Variants in DST observed in about 807,000 individuals in gnomAD.
DST encodes dystonin, also known as bullous pemphigoid antigen.
Under a neutral mutation model 875.2 loss-of-function variants are expected in DST, and 253 were observed. That is an observed-to-expected ratio of 0.29 (90% CI 0.26 to 0.32). The LOEUF is 0.32. Among genes scored for constraint, DST ranks in the 10% least tolerant of loss-of-function variants. The pLI, the probability that DST is intolerant of heterozygous loss-of-function variation, is 1.00. For synonymous variants in DST, 3,124 were observed against 3,197.1 expected (o/e 0.98, Z 0.77); for missense variants, 8,287 against 9,111.6 (o/e 0.91, Z 3.68).
chr6:56,616,937 G>A, intron 36 of DST: 2 of 1,606,124 alleles, frequency 1.2e-6, no homozygotes, highest in Non-Finnish European at 1.7e-6. Context: ...TATAAAACCT[G>A]TTGCAGCCTG....
intron 3 of DST, among the ~76,000 whole-genome samples, chr6:56,879,948 C>G (rs1781301839): frequency 6.6e-6 from 1 of 152,244 alleles, no homozygotes; most frequent in Non-Finnish European, 1.5e-5. Flanking sequence ...CAAAATTAAA[C>G]TGGGCCTAGC....
chr6:56,779,107 T>G (rs1475194382), intron 4 of DST, among the ~76,000 whole-genome samples: 1 of 152,080 alleles, frequency 6.6e-6, no homozygotes, highest in East Asian at 1.9e-4. Flanking sequence ...CTCATTGTGG[T>G]TTTGATTTGC....
intron 15 of DST, among the ~76,000 whole-genome samples, chr6:56,644,405 C>T (rs560905905): frequency 2.3e-4 from 35 of 152,110 alleles, no homozygotes; most frequent in Non-Finnish European, 4.7e-4. Context: ...TATTTCACAA[C>T]GTTGAATCCT....
chr6:56,547,631 A>C (rs1562703717), intron 61 of DST, among the ~76,000 whole-genome samples: 1 of 152,154 alleles, frequency 6.6e-6, no homozygotes, highest in Non-Finnish European at 1.5e-5. Context: ...AACACTTTAA[A>C]AGTACTATTA....
At chr6:56,762,670 T>C (rs2099620097) in intron 4 of DST, among the ~76,000 whole-genome samples, 1 of 152,190 alleles carries the variant, frequency 6.6e-6, no homozygotes. Flanking sequence ...CAGAACAATG[T>C]AAAATACCTG....
chr6:56,946,760 G>A (rs1288730836), intron 2 of DST, among the ~76,000 whole-genome samples: 1 of 152,122 alleles, frequency 6.6e-6, no homozygotes, highest in Admixed American at 6.5e-5. Context: ...ACTGGCTGAA[G>A]GTAAGGGAGT....
intron 2 of DST, among the ~76,000 whole-genome samples, chr6:56,951,375 G>A (rs1445246673): frequency 6.6e-6 from 1 of 152,148 alleles, no homozygotes; most frequent in Non-Finnish European, 1.5e-5. Flanking sequence ...TGATTTGTCA[G>A]AAATCAAAAT....
intron 4 of DST, 40 bp downstream of exon 4, chr6:56,851,357 T>C (rs1331898579): frequency 1.9e-6 from 3 of 1,579,466 alleles, no homozygotes; most frequent in East Asian, 4.5e-5. Flanking sequence ...TTTCCGCAAC[T>C]CTCTTCCCCC....
chr6:56,608,490 G>A lies in DST; in HGVS notation c.6138C>T (p.Asp2046=), dbSNP rs367545554. 68 of 1,613,566 alleles carry A rather than the reference G, an allele frequency of 4.2e-5. No individual in the cohort carries two copies. In the African/African-American group the frequency reaches 4.3e-4, roughly 10 times the overall value. The change falls in exon 40 of 104, where the codon GAC becomes GAT. Residue 2046 remains aspartate, a synonymous_variant. Coordinates refer to ENST00000680361, the MANE Select transcript of DST (RefSeq NM_001374736.1). ...TTATTAAATCACACTGTACTGCTTC[G>A]TCTACAGTTAAACGCTTGGCAGGGT... ...QSNPAKRLTV[D]EAVQCDLITS...
chr6:56,558,259 A>C (rs955361631), intron 58 of DST, among the ~76,000 whole-genome samples: 4 of 152,144 alleles, frequency 2.6e-5, no homozygotes, highest in Admixed American at 6.6e-5. Context: ...TGTATTTTTT[A>C]CATTGATATA....
intron 53 of DST, 42 bp from the exon 54 acceptor site, chr6:56,570,054 A>G (rs568027084): frequency 6.6e-6 from 9 of 1,356,690 alleles, no homozygotes; most frequent in Middle Eastern, 2.3e-4. Flanking sequence ...TCACAGAAAG[A>G]AGAATAAATA....
In DST at chr6:56,606,790, T is replaced by C; in HGVS notation, c.7838A>G (p.Tyr2613Cys). 1 of 1,613,234 alleles carries C rather than the reference T, an allele frequency of 6.2e-7. No homozygotes were observed. The highest frequency in any genetic ancestry group is 8.5e-7 in the Non-Finnish European group (1 of 1,179,590). ...GTDTDSDDDF[Y>C]DTPLFEDDDH... ...ATCATCTTCAAACAAGGGAGTATCA[T>C]AAAAATCATCATCACTATCAGTGTC... The change falls in exon 40 of 104, where the codon TAT (tyrosine) becomes TGT (cysteine). Residue 2613 changes from tyrosine to cysteine, a missense_variant. Transcript: ENST00000680361.
At chr6:56,801,227 C>T (rs2099746431) in intron 4 of DST, among the ~76,000 whole-genome samples, 1 of 152,022 alleles carries the variant, frequency 6.6e-6, no homozygotes, top group South Asian at 2.1e-4. Context: ...AGGATCTCAT[C>T]CAGGACGACA....
At chr6:56,781,906 T>A (rs577406736) in intron 4 of DST, among the ~76,000 whole-genome samples, 1 of 152,218 alleles carries the variant, frequency 6.6e-6, no homozygotes, top group East Asian at 1.9e-4. Flanking sequence ...CATCAATACC[T>A]AATTTATTGA....
At chr6:56,922,121 A>G (rs989797793) in intron 2 of DST, among the ~76,000 whole-genome samples, 1 of 152,156 alleles carries the variant, frequency 6.6e-6, no homozygotes, top group African/African-American at 2.4e-5. Flanking sequence ...CCATGCACTG[A>G]TTCAGTTAGC....
At chr6:56,554,128 A>C (rs1276338642) in intron 60 of DST, among the ~76,000 whole-genome samples, 2 of 119,134 alleles carry the variant, frequency 1.7e-5, no homozygotes, top group African/African-American at 6.7e-5. Flanking sequence ...TCTGTCACCC[A>C]GACTGGAGTG....
At chr6:56,800,499 T>A (rs551930432) in intron 4 of DST, among the ~76,000 whole-genome samples, 28 of 152,308 alleles carry the variant, frequency 1.8e-4, no homozygotes, top group Admixed American at 1.2e-3. Flanking sequence ...GAAAAACTCC[T>A]ATCCCCAATC....
At chr6:56,930,866 T>C (rs1809816073) in intron 2 of DST, among the ~76,000 whole-genome samples, 1 of 152,238 alleles carries the variant, frequency 6.6e-6, no homozygotes, top group African/African-American at 2.4e-5. Context: ...AATATTCCTT[T>C]GTCACGATTG....
At chr6:56,697,697 C>T (rs13196211) in intron 9 of DST, among the ~76,000 whole-genome samples, 21,607 of 152,210 alleles carry the variant, frequency 0.14, 2,094 homozygotes, top group Non-Finnish European at 0.22. Flanking sequence ...CTTCGTCTAA[C>T]ATTCAAAATT....
Sources: allele counts gnomAD v4.1 joint callset (sites outside exome capture counted in the v4.1 genomes callset), GRCh38; gene constraint gnomAD v4.1.1; transcripts MANE v1.5; gene names NCBI Gene and HGNC (gene_info 2026-07-23, HGNC 2026-07-21).